Variants in PRAF2 observed in about 807,000 individuals in gnomAD.
The protein encoded by PRAF2 is PRA1 family protein 2.
A neutral mutation model predicts 9.7 loss-of-function variants in PRAF2; 5 were observed. The observed-to-expected ratio is 0.51, with a 90% CI of 0.27 to 1.08. PRAF2 has a LOEUF of 1.08. PRAF2 is among the 50% of genes least tolerant of loss of function. The probability of loss-of-function intolerance (pLI) is 0.12; values close to 1 mark genes in which losing one functional copy is unlikely to be tolerated. For missense variants in PRAF2, 135 were observed against 160.7 expected (o/e 0.84, Z 0.86); for synonymous variants, 61 against 76.6 (o/e 0.80, Z 1.06).
In PRAF2 at chrX:49,073,850, G is replaced by A; in HGVS notation, c.138C>T (p.Thr46=). The A allele has an allele frequency of 8.2e-7, 1 of 1,212,426 alleles. No individual in the cohort carries two copies. The highest frequency in any genetic ancestry group is 1.1e-6 in the Non-Finnish European group (1 of 895,613). ...CGATGCCGAAGCAGAGAAGGTAGTT[G>A]GTTTGGTAGTAGAGGAGGTTGTTGA... The part of the protein sequence containing the change: ...RVINNLLYYQ[T]NYLLCFGIGL... The change falls in exon 1 of 3, where the codon ACC becomes ACT. Residue 46 remains threonine, a synonymous_variant. Coordinates refer to ENST00000553851, the MANE Select transcript of PRAF2 (RefSeq NM_007213.3).
rs1557083303 is a variant in PRAF2, at chrX:49,072,532, C to T, written c.298G>A (p.Ala100Thr). 2 of 1,178,121 alleles carry T rather than the reference C, an allele frequency of 1.7e-6. No homozygotes were observed. Among genetic ancestry groups the T allele is most frequent in the Non-Finnish European group, 2.3e-6 (2 of 878,791 alleles). ...AVRRCRRSHP[A>T]ACLAAVLAVG... ...GCAAGCACTGCGGCCAGGCAGGCTG[C>T]AGGGTGGCTGCGGCGGCAGCGGCGC... Residue 100 changes from alanine to threonine, a missense_variant, in exon 2 of 3, where the codon GCA becomes ACA. Ala to Thr is a moderately conservative substitution (Grantham distance 58). Coordinates refer to ENST00000553851, the MANE Select transcript of PRAF2 (RefSeq NM_007213.3).
chrX:49,073,875 A>G lies in PRAF2; in HGVS notation c.113T>C (p.Ile38Thr). The G allele has an allele frequency of 1.6e-6, 2 of 1,212,283 alleles. No individual in the cohort carries two copies. The highest frequency in any genetic ancestry group is 2.2e-6 in the Non-Finnish European group (2 of 895,624). ...GGTTTGGTAGTAGAGGAGGTTGTTG[A>G]TGACGCGGTGGCACCATCGCTGCGG... The part of the protein sequence containing the change: ...CDPQRWCHRV[I>T]NNLLYYQTNY... The change falls in exon 1 of 3, where the codon ATC (isoleucine) becomes ACC (threonine). Residue 38 changes from isoleucine (I) to threonine (T), a missense_variant. By Grantham distance (89) the Ile-to-Thr change is moderately conservative (BLOSUM62 -1). Transcript: ENST00000553851.
intron 2 of PRAF2, 72 bp downstream of exon 2, chrX:49,072,361 G>C (rs1557083250): frequency 2.7e-6 from 3 of 1,113,614 alleles, no homozygotes; most frequent in Admixed American, 2.7e-5. Context: ...CCCGGGGACC[G>C]GCAGGGCTGG....
rs781843726 is a variant in PRAF2 at position 49,071,518 on chromosome X, CCA to C, written c.*349_*350del. On this transcript the variant is annotated 3_prime_UTR_variant, in exon 3 of 3. Coordinates refer to ENST00000553851, the MANE Select transcript of PRAF2 (RefSeq NM_007213.3). Reference sequence around the variant, plus strand: ...ATTTGAGAGTGCCTTGCCCCAGGCCCCAGTTTGGGGATGAGCATGGAGAAGGG... The same window carrying C: ...ATTTGAGAGTGCCTTGCCCCAGGCCCGTTTGGGGATGAGCATGGAGAAGGG... The C allele has an allele frequency of 1.5e-4, 21 of 137,865 alleles. 1 individual carries two copies. The highest frequency in any genetic ancestry group is 8.8e-4 in the South Asian group (3 of 3,423). 11.4% of individuals were successfully genotyped at this position (137,865 alleles called of 1,213,427 possible).
At chrX:49,073,470 C>G (rs1162387857) in intron 1 of PRAF2, among the ~76,000 whole-genome samples, 1 of 110,055 alleles carries the variant, frequency 9.1e-6, no homozygotes, top group African/African-American at 3.3e-5. Flanking sequence ...TCTCATGTCC[C>G]CCTTTCGGGC....
In PRAF2 at chrX:49,071,739, A is replaced by C. The variant is rs893317851; in HGVS notation, c.*130T>G. 8 of 796,177 alleles carry C rather than the reference A, an allele frequency of 1.0e-5. No individual in the cohort carries two copies. The Admixed American group carries it at 3.3e-4, about 33-fold the overall frequency. 65.6% of individuals were successfully genotyped at this position (796,177 alleles called of 1,213,427 possible). ...GCTGGCGTGGGGGTAGGGCGGTCAC[A>C]GATGTCCTGTTTTGTTTGGGCAGGG... On this transcript the variant is annotated 3_prime_UTR_variant, in exon 3 of 3. Transcript: ENST00000553851.
In PRAF2 at chrX:49,071,932, G is replaced by A; in HGVS notation, c.474C>T (p.Leu158=). ...GTAGCAGGCCCATTGGCGTCCGCTTGAGACCAATGCTCTCGATCTTGTTCT... is the reference window on the plus strand; with the variant it reads ...GTAGCAGGCCCATTGGCGTCCGCTTAAGACCAATGCTCTCGATCTTGTTCT... The part of the protein sequence containing the change: ...KIENKIESIG[L]KRTPMGLLLE... Residue 158 remains leucine, a synonymous_variant, in exon 3 of 3, where the codon CTC becomes CTT. Transcript: ENST00000553851. 1.7e-6 allele frequency: 2 copies of A among 1,211,204 alleles called. No individual in the cohort carries two copies. Among genetic ancestry groups the A allele is most frequent in the Non-Finnish European group, 2.2e-6 (2 of 895,218 alleles).
rs1557083337 is a variant in PRAF2, at chrX:49,072,655, G to T, written c.180-5C>A. On this transcript the variant is annotated splice_region_variant and splice_polypyrimidine_tract_variant and intron_variant, in intron 1 of 2. Transcript: ENST00000553851. ...GTATGAAGTGGCCGCACGTACCTGC[G>T]GGTACAAGGGAACCAAGCTAGCCGG... is the stretch of plus-strand genomic sequence containing the variant. The T allele has an allele frequency of 4.3e-6, 5 of 1,161,581 alleles. No homozygotes were observed. Among genetic ancestry groups the T allele is most frequent in the African/African-American group, 3.6e-5 (2 of 55,552 alleles).
chrX:49,071,610 T>G lies in PRAF2; in HGVS notation c.*259A>C. On this transcript the variant is annotated 3_prime_UTR_variant, in exon 3 of 3. Transcript: ENST00000553851. The stretch of plus-strand genomic sequence containing the variant: ...CATGGATGCTCTGGCCTGAAGCCAG[T>G]TTTGGGGCTGGATGTAGGTGGCTCT... 8.6e-6 allele frequency: 2 copies of G among 232,428 alleles called. No homozygotes were observed. Among genetic ancestry groups the G allele is most frequent in the Non-Finnish European group, 7.5e-6 (1 of 132,500 alleles). The allele number at this position is 232,428 out of a possible 1,213,427, so 19.2% of individuals were successfully genotyped here.
chrX:49,073,397 C>G (rs1557083460), intron 1 of PRAF2, among the ~76,000 whole-genome samples: 1 of 110,629 alleles, frequency 9.0e-6, no homozygotes, highest in African/African-American at 3.3e-5. Context: ...CCTAAGTACT[C>G]CAGGGTCGGC....
Position 49,072,593 on chromosome X carries a change from G to C in PRAF2, c.237C>G (p.Gly79=), listed in dbSNP as rs1557083317. 3 of 1,164,782 alleles carry C rather than the reference G, an allele frequency of 2.6e-6. No individual in the cohort carries two copies. The highest frequency in any genetic ancestry group is 3.4e-6 in the Non-Finnish European group (3 of 872,516). The change falls in exon 2 of 3, where the codon GGC becomes GGG. Residue 79 remains glycine (G), a synonymous_variant. Transcript: ENST00000553851. The stretch of plus-strand genomic sequence containing the variant: ...GGGTCTCAGCTGCCCACACCAGCAC[G>C]CCGAGGGCCACCGCCACTACCAGCG... ...LSALVVAVAL[G]VLVWAAETRA... is the part of the protein sequence containing the mutation.
intron 2 of PRAF2, 146 bp from the exon 3 acceptor site, chrX:49,072,154 A>T (rs2065013368): frequency 7.4e-6 from 6 of 816,014 alleles, no homozygotes; most frequent in Non-Finnish European, 1.0e-5. Flanking sequence ...GTGGCCGAGT[A>T]ATTGGCTTGG....
At position 49,071,187 on chromosome X, in the gene PRAF2, A is replaced by ATTG. The variant is rs2065009254; in HGVS notation, c.*679_*681dup. 8.9e-6 allele frequency: 1 copy of ATTG among 112,751 alleles called. No individual in the cohort carries two copies. The highest frequency in any genetic ancestry group is 1.9e-5 in the Non-Finnish European group (1 of 53,350). 9.3% of individuals were successfully genotyped at this position (112,751 alleles called of 1,213,427 possible). On this transcript the variant is annotated 3_prime_UTR_variant, in exon 3 of 3. Transcript: ENST00000553851. ...TGGCATGAGAGATGCAACAGGCTTT[A>ATTG]TTGTTGCAGCAACACTAACATATAC...
Position 49,072,623 on chromosome X carries a change from C to CA in PRAF2, c.206dup (p.Ser70GlufsTer17), listed in dbSNP as rs1557083328. 1 of 1,165,269 alleles carries CA rather than the reference C, an allele frequency of 8.6e-7. No individual in the cohort carries two copies. The highest frequency in any genetic ancestry group is 1.1e-6 in the Non-Finnish European group (1 of 872,667). On this transcript the variant is annotated frameshift_variant, in exon 2 of 3. Coordinates refer to ENST00000553851, the MANE Select transcript of PRAF2 (RefSeq NM_007213.3). LOFTEE classifies it high-confidence loss of function. ...GGGCCACCGCCACTACCAGCGCGCTCAGGAGCGTATGAAGTGGCCGCACGT... is the reference window on the plus strand; with the variant it reads ...GGGCCACCGCCACTACCAGCGCGCTCAAGGAGCGTATGAAGTGGCCGCACGT...
chrX:49,072,380 C>A (rs1557083254), intron 2 of PRAF2, 53 bp downstream of exon 2: 1 of 1,152,767 alleles, frequency 8.7e-7, no homozygotes, highest in East Asian at 3.2e-5. Context: ...GGCCTGGTGC[C>A]TTAAGCATGC....
In PRAF2 at chrX:49,073,865, G is replaced by A. The variant is rs138513766; in HGVS notation, c.123C>T (p.Leu41=). The A allele has an allele frequency of 4.1e-6, 5 of 1,211,422 alleles. No individual in the cohort carries two copies. The highest frequency in any genetic ancestry group is 2.3e-4 in the Middle Eastern group (1 of 4,374). The change falls in exon 1 of 3, where the codon CTC becomes CTT. Residue 41 remains leucine, a synonymous_variant. Transcript: ENST00000553851. ...GAAGGTAGTTGGTTTGGTAGTAGAG[G>A]AGGTTGTTGATGACGCGGTGGCACC... The part of the protein sequence containing the change: ...QRWCHRVINN[L]LYYQTNYLLC...
Position 49,072,415 on chromosome X carries a change from G to A in PRAF2, c.397+18C>T. ...CTCTGGCTGCTTTCCTGGCTATCTC[G>A]GGGTAGTGGAGACTCACGAAGCACC... On this transcript the variant is annotated intron_variant, in intron 2 of 2. Coordinates refer to ENST00000553851, the MANE Select transcript of PRAF2 (RefSeq NM_007213.3). 2 of 1,181,630 alleles carry A rather than the reference G, an allele frequency of 1.7e-6. No homozygotes were observed. The highest frequency in any genetic ancestry group is 2.3e-6 in the Non-Finnish European group (2 of 880,128).
chrX:49,071,346 T>C lies in PRAF2; in HGVS notation c.*523A>G, dbSNP rs1262027001. Reference sequence around the variant, plus strand: ...GGGACTGGTGAGGGTCGGGATCACCTGGACCAGGGGTCCAACAGTCAGGAT... The same window carrying C: ...GGGACTGGTGAGGGTCGGGATCACCCGGACCAGGGGTCCAACAGTCAGGAT... On this transcript the variant is annotated 3_prime_UTR_variant, in exon 3 of 3. Coordinates refer to ENST00000553851, the MANE Select transcript of PRAF2 (RefSeq NM_007213.3). 8.9e-6 allele frequency: 1 copy of C among 112,534 alleles called. No homozygotes were observed. The highest frequency in any genetic ancestry group is 3.2e-5 in the African/African-American group (1 of 30,873). The allele number at this position is 112,534 out of a possible 1,213,427, so 9.3% of individuals were successfully genotyped here.
At position 49,071,719 on chromosome X, in the gene PRAF2, C is replaced by T. The variant is rs927582314; in HGVS notation, c.*150G>A. On this transcript the variant is annotated 3_prime_UTR_variant, in exon 3 of 3. Coordinates refer to ENST00000553851, the MANE Select transcript of PRAF2 (RefSeq NM_007213.3). Reference sequence around the variant, plus strand: ...GAGGGATATCTTAGTTTGGGGCTGGCGTGGGGGTAGGGCGGTCACAGATGT... The same window carrying T: ...GAGGGATATCTTAGTTTGGGGCTGGTGTGGGGGTAGGGCGGTCACAGATGT... 7 of 570,249 alleles carry T rather than the reference C, an allele frequency of 1.2e-5. No individual in the cohort carries two copies. Among genetic ancestry groups the T allele is most frequent in the African/African-American group, 4.9e-5 (2 of 41,088 alleles). 47.0% of individuals were successfully genotyped at this position (570,249 alleles called of 1,213,427 possible).
Sources: gnomAD v4.1 joint callset for allele counts (sites outside exome capture counted in the v4.1 genomes callset) on GRCh38, gnomAD v4.1.1 for gene constraint, MANE v1.5 for transcripts, NCBI Gene and HGNC (gene_info 2026-07-23, HGNC 2026-07-21) for gene names.